The following FAAH2 variants were observed in gnomAD, a reference collection of about 807,000 sequenced individuals.
The protein encoded by FAAH2 is fatty acid amide hydrolase 2.
A neutral mutation model predicts 36.9 loss-of-function variants in FAAH2; 60 were observed. That is an observed-to-expected ratio of 1.63 (90% confidence interval 1.32 to 2.02). The LOEUF (loss-of-function observed/expected upper bound fraction) is 2.02, where lower values mean the gene tolerates loss of function less well. FAAH2 is among the 30% of genes most tolerant of loss of function. FAAH2 has a pLI of 0.00. For missense variants in FAAH2, 689 were observed against 397.5 expected (o/e 1.73, Z -6.23); for synonymous variants, 214 against 143.8 (o/e 1.49, Z -3.49).
intron 2 of FAAH2, among the ~76,000 whole-genome samples, chrX:57,308,673 T>C (rs780446601): frequency 9.0e-6 from 1 of 111,674 alleles, no homozygotes; most frequent in African/African-American, 3.2e-5. Flanking sequence ...AATTGTTAAA[T>C]ATCATTATAT....
chrX:57,228,164 C>T, the FAAH2 span, among the ~76,000 whole-genome samples: 1 of 112,165 alleles, frequency 8.9e-6, no homozygotes, highest in African/African-American at 3.2e-5. Context: ...CTTGAGACTT[C>T]TCGCCCTGTT....
At chrX:57,309,217 C>A (rs2052624464) in intron 2 of FAAH2, among the ~76,000 whole-genome samples, 1 of 111,696 alleles carries the variant, frequency 9.0e-6, no homozygotes, top group Non-Finnish European at 1.9e-5. Flanking sequence ...CTTATTGTTT[C>A]ATTCTGGAAA....
At chrX:57,203,094 G>A in the FAAH2 span, among the ~76,000 whole-genome samples, 3 of 112,183 alleles carry the variant, frequency 2.7e-5, no homozygotes, top group Non-Finnish European at 5.6e-5. Context: ...CAGAAATATA[G>A]GGTGTGGGGT....
the FAAH2 span, among the ~76,000 whole-genome samples, chrX:57,150,676 G>A: frequency 5.8e-3 from 644 of 111,720 alleles, 3 homozygotes; most frequent in Non-Finnish European, 5.6e-3. Context: ...GATGGGTTTC[G>A]TGAATACAGC....
chrX:57,249,343 C>T, the FAAH2 span, among the ~76,000 whole-genome samples: 15 of 111,833 alleles, frequency 1.3e-4, no homozygotes, highest in Non-Finnish European at 2.1e-4. Flanking sequence ...ACCATTAAGA[C>T]CTTGCCTGGG....
At chrX:57,442,735 C>T (rs1167342268) in intron 8 of FAAH2, among the ~76,000 whole-genome samples, 1 of 112,019 alleles carries the variant, frequency 8.9e-6, no homozygotes, top group Admixed American at 9.4e-5. Flanking sequence ...CATGTTTTTG[C>T]AGTGGCTGTT....
chrX:57,264,116 T>G, the FAAH2 span, among the ~76,000 whole-genome samples: 2 of 111,603 alleles, frequency 1.8e-5, no homozygotes, highest in Non-Finnish European at 1.9e-5. Flanking sequence ...CTATAATATT[T>G]CAGAAAAAAA....
Position 57,374,151 on chromosome X carries a change from T to G in FAAH2, c.743-4500T>G, listed in dbSNP as rs746848154. ...TATAGTTTGAAATTAGGTAATGTGTTGCCTCCAGGTTTATGCTTTTTGCTT... is the reference window on the plus strand; with the variant it reads ...TATAGTTTGAAATTAGGTAATGTGTGGCCTCCAGGTTTATGCTTTTTGCTT... On this transcript the variant is annotated intron_variant, in intron 5 of 10. Transcript: ENST00000374900. 2.7e-5 allele frequency among the ~76,000 whole-genome samples: 3 copies of G among 111,943 alleles called. No individual in the cohort carries two copies. In the East Asian group the frequency reaches 8.4e-4, roughly 31 times the overall value.
chrX:57,178,568 G>A, the FAAH2 span, among the ~76,000 whole-genome samples: 1 of 111,574 alleles, frequency 9.0e-6, no homozygotes, highest in Non-Finnish European at 1.9e-5. Flanking sequence ...GGCAAAGTTG[G>A]TGGAGGCTGG....
chrX:57,420,164 C>G (rs888689779), intron 7 of FAAH2, among the ~76,000 whole-genome samples: 3 of 111,638 alleles, frequency 2.7e-5, no homozygotes, highest in Non-Finnish European at 5.6e-5. Context: ...ATGCCTCCAG[C>G]TTTGTTCTTT....
intron 10 of FAAH2, among the ~76,000 whole-genome samples, chrX:57,480,654 T>C (rs2057362225): frequency 1.8e-5 from 2 of 111,786 alleles, no homozygotes; most frequent in Admixed American, 1.9e-4. Context: ...ACCTTTCTTT[T>C]TGGCTGCTGT....
At chrX:57,329,720 C>G (rs2053341953) in intron 3 of FAAH2, among the ~76,000 whole-genome samples, 1 of 110,399 alleles carries the variant, frequency 9.1e-6, no homozygotes, top group African/African-American at 3.3e-5. Flanking sequence ...ACAAGGGAGG[C>G]TGCCGTAGTG....
At chrX:57,246,186 A>G in the FAAH2 span, among the ~76,000 whole-genome samples, 1 of 111,988 alleles carries the variant, frequency 8.9e-6, no homozygotes, top group Non-Finnish European at 1.9e-5. Context: ...AAGAAGTCGA[A>G]TCCCTGAAAA....
the FAAH2 span, among the ~76,000 whole-genome samples, chrX:57,270,349 C>T: frequency 9.0e-5 from 10 of 111,542 alleles, no homozygotes; most frequent in South Asian, 2.6e-3. Flanking sequence ...AGAATGGACG[C>T]CTCCTTAATT....
the FAAH2 span, among the ~76,000 whole-genome samples, chrX:57,280,470 C>CT: frequency 1.8e-5 from 2 of 109,803 alleles, no homozygotes; most frequent in African/African-American, 3.3e-5. Flanking sequence ...GTTTTAGGCC[C>CT]TAGGGAAATG....
chrX:57,334,145 C>T (rs1326416016), intron 4 of FAAH2, among the ~76,000 whole-genome samples: 1 of 109,706 alleles, frequency 9.1e-6, no homozygotes. Context: ...CAGCAGGTGC[C>T]TGTAATACCA....
At chrX:57,335,574 A>T (rs2053527496) in intron 4 of FAAH2, among the ~76,000 whole-genome samples, 1 of 113,328 alleles carries the variant, frequency 8.8e-6, no homozygotes, top group Admixed American at 9.3e-5. Flanking sequence ...TAGATGGAAT[A>T]TACAACTGGG....
At chrX:57,211,223 G>T in the FAAH2 span, among the ~76,000 whole-genome samples, 1 of 111,888 alleles carries the variant, frequency 8.9e-6, no homozygotes, top group Non-Finnish European at 1.9e-5. Context: ...TAAGGTTGAA[G>T]CACAAGAGTA....
At chrX:57,382,930 A>T (rs1602479277) in intron 7 of FAAH2, among the ~76,000 whole-genome samples, 1 of 111,806 alleles carries the variant, frequency 8.9e-6, no homozygotes, top group East Asian at 2.8e-4. Context: ...ATCCTAAATA[A>T]AATACTGCCA....
Sources: gnomAD v4.1 joint callset for allele counts (sites outside exome capture counted in the v4.1 genomes callset) on GRCh38, gnomAD v4.1.1 for gene constraint, MANE v1.5 for transcripts, NCBI Gene and HGNC (gene_info 2026-07-23, HGNC 2026-07-21) for gene names.